The following MACROH2A2 variants were observed in gnomAD, a reference collection of about 807,000 sequenced individuals.
MACROH2A2 encodes macroH2A.2 histone.
A neutral mutation model predicts 37.6 loss-of-function variants in MACROH2A2; 6 were observed. That is an observed-to-expected ratio of 0.16 (90% confidence interval 0.09 to 0.32). The LOEUF is 0.32. Ranked by LOEUF, MACROH2A2 falls within the 10% of genes least tolerant of loss-of-function variation. MACROH2A2 has a pLI of 1.00. For missense variants in MACROH2A2, 290 were observed against 485.9 expected (o/e 0.60, Z 3.79); for synonymous variants, 192 against 202.7 (o/e 0.95, Z 0.45).
At chr10:70,101,310 T>G (rs1367493887) in intron 7 of MACROH2A2, among the ~76,000 whole-genome samples, 1 of 152,180 alleles carries the variant, frequency 6.6e-6, no homozygotes, top group Admixed American at 6.5e-5. Flanking sequence ...TTCTGCTACT[T>G]GAGATAATGG....
At chr10:70,059,013 T>C (rs1353108842) in intron 1 of MACROH2A2, among the ~76,000 whole-genome samples, 2 of 152,084 alleles carry the variant, frequency 1.3e-5, no homozygotes, top group South Asian at 2.1e-4. Flanking sequence ...GTCCTAGATA[T>C]AAAATCAAGC....
intron 7 of MACROH2A2, among the ~76,000 whole-genome samples, chr10:70,100,617 CTTTTTTTT>C (rs34180859): frequency 3.6e-5 from 5 of 138,002 alleles, no homozygotes; most frequent in Non-Finnish European, 7.7e-5. Context: ...ATGTTTTGTT[CTTTTTTTT>C]TTTTTTTTTG....
At position 70,107,727 on chromosome 10, in the gene MACROH2A2, C is replaced by T. The variant is rs2072346454; in HGVS notation, c.779-1306C>T. 3.9e-5 allele frequency among the ~76,000 whole-genome samples: 6 copies of T among 152,262 alleles called. No homozygotes were observed. The South Asian group carries it at 1.2e-3, about 32-fold the overall frequency. ...CAGTTTCACAGCCCGCTTTTGAAAC[C>T]CCACTCTCTGCAGGGCATGTGGAGA... is the stretch of plus-strand genomic sequence containing the variant. On this transcript the variant is annotated intron_variant, in intron 7 of 8. Transcript: ENST00000373255. The surrounding 1 kb of genome is among the most constrained non-coding windows in gnomAD (Gnocchi z 4.4).
At chr10:70,062,496 C>T (rs948754662) in intron 1 of MACROH2A2, among the ~76,000 whole-genome samples, 4 of 151,886 alleles carry the variant, frequency 2.6e-5, no homozygotes, top group Admixed American at 2.6e-4. Context: ...ATTTCAATTC[C>T]ATCATTAAAA....
intron 6 of MACROH2A2, among the ~76,000 whole-genome samples, chr10:70,099,803 G>A (rs2072296315): frequency 6.6e-6 from 1 of 152,230 alleles, no homozygotes; most frequent in Admixed American, 6.5e-5. Context: ...GCCTCTGTCT[G>A]TCCTTTGACT....
At chr10:70,077,108 G>A (rs1030261079) in intron 2 of MACROH2A2, among the ~76,000 whole-genome samples, 7 of 152,156 alleles carry the variant, frequency 4.6e-5, no homozygotes, top group Non-Finnish European at 8.8e-5. Flanking sequence ...TTCCAAGTGG[G>A]GTCACGCAGG....
Position 70,053,352 on chromosome 10 carries a change from T to G in MACROH2A2, c.-60+352T>G, listed in dbSNP as rs934093317. On this transcript the variant is annotated intron_variant, in intron 1 of 8. Transcript: ENST00000373255. This position sits in a 1 kb window ranked among gnomAD's most constrained non-coding sequence, Gnocchi z 4.8. ...GGACCCGGAGGAAGCGGAGGTCTCC[T>G]GGGAATGCGGAGTTTCGGGCGCAGG... Among the ~76,000 whole-genome samples, 1 of 149,098 alleles carries G rather than the reference T, an allele frequency of 6.7e-6. No individual in the cohort carries two copies. The highest frequency in any genetic ancestry group is 2.5e-5 in the African/African-American group (1 of 40,232).
intron 1 of MACROH2A2, among the ~76,000 whole-genome samples, chr10:70,063,099 C>CAA (rs201780041): frequency 3.5e-5 from 5 of 142,414 alleles, no homozygotes; most frequent in Admixed American, 6.9e-5. Context: ...CCACAGTTTA[C>CAA]AAAAAAAAAA....
At chr10:70,082,426 AAAAAG>A (rs2072184452) in intron 2 of MACROH2A2, among the ~76,000 whole-genome samples, 1 of 151,990 alleles carries the variant, frequency 6.6e-6, no homozygotes, top group African/African-American at 2.4e-5. Flanking sequence ...CAAAAAAAAA[AAAAAG>A]AAAAAAGAAA....
At chr10:70,073,703 G>C (rs1379092214) in intron 1 of MACROH2A2, among the ~76,000 whole-genome samples, 2 of 152,152 alleles carry the variant, frequency 1.3e-5, no homozygotes, top group Non-Finnish European at 2.9e-5. Flanking sequence ...TAGTCTCCTT[G>C]GTCGTAATGG....
chr10:70,096,041 T>C (rs565779628), intron 6 of MACROH2A2, among the ~76,000 whole-genome samples: 1 of 152,334 alleles, frequency 6.6e-6, no homozygotes, highest in Admixed American at 6.5e-5. Context: ...ACCAAGATCC[T>C]GAAGCAGACC....
intron 2 of MACROH2A2, among the ~76,000 whole-genome samples, chr10:70,089,299 ACT>A (rs1269738461): frequency 1.3e-5 from 2 of 152,106 alleles, no homozygotes; most frequent in African/African-American, 4.8e-5. Context: ...AGTTTATTTC[ACT>A]CTCATACAAA....
At chr10:70,097,354 G>A (rs1274265861) in intron 6 of MACROH2A2, among the ~76,000 whole-genome samples, 3 of 152,172 alleles carry the variant, frequency 2.0e-5, no homozygotes, top group African/African-American at 7.2e-5. Flanking sequence ...GTGCTGTGAT[G>A]GGGCTTAGCA....
At chr10:70,065,497 A>C (rs2072074235) in intron 1 of MACROH2A2, among the ~76,000 whole-genome samples, 1 of 152,248 alleles carries the variant, frequency 6.6e-6, no homozygotes, top group Non-Finnish European at 1.5e-5. Flanking sequence ...GCCTGATAAA[A>C]TAATTTAGAG....
chr10:70,089,165 T>C (rs1264617574), intron 2 of MACROH2A2, among the ~76,000 whole-genome samples: 1 of 152,174 alleles, frequency 6.6e-6, no homozygotes, highest in East Asian at 1.9e-4. Flanking sequence ...GAACAGACTT[T>C]ACCTACATCA....
intron 6 of MACROH2A2, among the ~76,000 whole-genome samples, chr10:70,096,969 G>A (rs1391956378): frequency 6.6e-6 from 1 of 152,216 alleles, no homozygotes; most frequent in South Asian, 2.1e-4. Flanking sequence ...TAGGTGTCCT[G>A]CCTCTCACTG....
intron 8 of MACROH2A2, among the ~76,000 whole-genome samples, chr10:70,110,996 C>T (rs1418778702): frequency 6.6e-6 from 1 of 152,094 alleles, no homozygotes; most frequent in South Asian, 2.1e-4. Context: ...TGGCAGGGCA[C>T]GGTGGCTCAC....
At position 70,091,833 on chromosome 10, in the gene MACROH2A2, G is replaced by T; in HGVS notation, c.356G>T (p.Gly119Val). The T allele has an allele frequency of 1.9e-6, 3 of 1,614,068 alleles. No individual in the cohort carries two copies. The highest frequency in any genetic ancestry group is 2.5e-6 in the Non-Finnish European group (3 of 1,180,002). ...CCCGAACTGCTGGCCAAAAAGCGAG[G>T]GACCAAAGGCAAGTCGGAAACGATC... ...IHPELLAKKR[G>V]TKGKSETILS... The change falls in exon 4 of 9, where the codon GGG becomes GTG. Residue 119 changes from glycine (G) to valine (V), a missense_variant. Coordinates refer to ENST00000373255, the MANE Select transcript of MACROH2A2 (RefSeq NM_018649.3).
chr10:70,078,087 G>A (rs1477780462), intron 2 of MACROH2A2, among the ~76,000 whole-genome samples: 6 of 152,164 alleles, frequency 3.9e-5, no homozygotes, highest in African/African-American at 4.8e-5. Context: ...AGTCTAATCC[G>A]TGCATATACA....
Sources: gnomAD v4.1 joint callset for allele counts (sites outside exome capture counted in the v4.1 genomes callset) on GRCh38, gnomAD v4.1.1 for gene constraint, Gnocchi (gnomAD v3.1) non-coding constraint, MANE v1.5 for transcripts, NCBI Gene and HGNC (gene_info 2026-07-23, HGNC 2026-07-21) for gene names.